The following CELF2 variants were observed in gnomAD, a reference collection of about 807,000 sequenced individuals.
CELF2 encodes CUG triplet repeat RNA-binding protein 2.
Under a neutral mutation model 62.6 loss-of-function variants are expected in CELF2, and 8 were observed. That is an observed-to-expected ratio of 0.13 (90% CI 0.07 to 0.23). The LOEUF is 0.23. Ranked by LOEUF, CELF2 falls within the 10% of genes least tolerant of loss-of-function variation. The pLI is 1.00. For missense variants in CELF2, 333 were observed against 671.0 expected, an observed-to-expected ratio of 0.50 and a Z score of 5.56; for synonymous variants, 258 against 250.0, an observed-to-expected ratio of 1.03 and a Z score of -0.30.
chr10:11,132,794 A>G (rs1330911212), intron 1 of CELF2, among the ~76,000 whole-genome samples: 1 of 152,232 alleles, frequency 6.6e-6, no homozygotes, highest in Non-Finnish European at 1.5e-5. Flanking sequence ...AGGGCCACCA[A>G]ATGGACCCTT....
chr10:10,835,681 C>A (rs913867577), intron 1 of CELF2, among the ~76,000 whole-genome samples: 1 of 152,138 alleles, frequency 6.6e-6, no homozygotes, highest in South Asian at 2.1e-4. Context: ...CCACGCCCAG[C>A]CCAGCAGATT....
At position 11,008,427 on chromosome 10, in the gene CELF2, A is replaced by T. The variant is rs2055713348; in HGVS notation, c.53+2987A>T. ...GAAACCAGACAGTTTTGCTTTTTTT[A>T]AAATAGGAGGGTATACATTTGCAAA... is the stretch of plus-strand genomic sequence containing the variant. On this transcript the variant is annotated intron_variant, in intron 1 of 12. Coordinates refer to the CELF2 transcript ENST00000416382. This position sits in a 1 kb window ranked among gnomAD's most constrained non-coding sequence, Gnocchi z 4.5. Among the ~76,000 whole-genome samples, 2 of 152,170 alleles carry T rather than the reference A, an allele frequency of 1.3e-5. No individual in the cohort carries two copies. The highest frequency in any genetic ancestry group is 1.3e-4 in the Admixed American group (2 of 15,282).
chr10:11,324,352 T>G lies in CELF2; in HGVS notation c.1295-1484T>G, dbSNP rs2095614306. Among the ~76,000 whole-genome samples, 1 of 152,214 alleles carries G rather than the reference T, an allele frequency of 6.6e-6. No homozygotes were observed. On this transcript the variant is annotated intron_variant, in intron 11 of 12. Transcript: ENST00000633077. The surrounding 1 kb of genome is among the most constrained non-coding windows in gnomAD (Gnocchi z 4.7). ...ACCATCAGACATACCACCCAGGATG[T>G]GCACACACAGCAGTGCTCAGAACAT...
chr10:10,660,190 A>G, the CELF2 span, among the ~76,000 whole-genome samples: 3 of 152,238 alleles, frequency 2.0e-5, no homozygotes, highest in Non-Finnish European at 4.4e-5. Flanking sequence ...TAAACTGTTC[A>G]CGGATGATCA....
chr10:10,909,856 AGGG>A (rs2063658349), intron 1 of CELF2, among the ~76,000 whole-genome samples: 1 of 127,856 alleles, frequency 7.8e-6, no homozygotes, highest in African/African-American at 4.2e-5. Flanking sequence ...CTCATGAAAG[AGGG>A]GGCTCATGTT....
At chr10:10,808,393 T>C (rs1232353180) in intron 1 of CELF2, among the ~76,000 whole-genome samples, 1 of 152,202 alleles carries the variant, frequency 6.6e-6, no homozygotes, top group African/African-American at 2.4e-5. Flanking sequence ...AATTCAATGA[T>C]TTTAACATCT....
At chr10:10,875,006 A>G (rs893599365) in intron 1 of CELF2, among the ~76,000 whole-genome samples, 2 of 152,198 alleles carry the variant, frequency 1.3e-5, no homozygotes, top group African/African-American at 4.8e-5. Context: ...CCAAATTATC[A>G]AGAATAGTTA....
In CELF2 at chr10:11,290,105, T is replaced by G. The variant is rs2092272331; in HGVS notation, c.976+1553T>G. 6.6e-6 allele frequency among the ~76,000 whole-genome samples: 1 copy of G among 152,172 alleles called. No individual in the cohort carries two copies. The highest frequency in any genetic ancestry group is 1.9e-4 in the East Asian group (1 of 5,196). On this transcript the variant is annotated intron_variant, in intron 9 of 12. Coordinates refer to ENST00000633077, the MANE Select transcript of CELF2 (RefSeq NM_001326342.2). The surrounding 1 kb of genome is among the most constrained non-coding windows in gnomAD (Gnocchi z 4.3). Reference sequence around the variant, plus strand: ...GCAGCTGTCGGCTGATTGGTGTAGCTAAGATAACTCAAAAATCATATCCCA... The same window carrying G: ...GCAGCTGTCGGCTGATTGGTGTAGCGAAGATAACTCAAAAATCATATCCCA...
the CELF2 span, among the ~76,000 whole-genome samples, chr10:10,668,469 G>A: frequency 6.6e-6 from 1 of 152,168 alleles, no homozygotes; most frequent in South Asian, 2.1e-4. Context: ...CAGTTCCATG[G>A]TACGAATTTC....
At position 11,018,072 on chromosome 10, in the gene CELF2, C is replaced by T. The variant is rs2057570734; in HGVS notation, c.-18C>T. 2 of 1,444,030 alleles carry T rather than the reference C, an allele frequency of 1.4e-6. No homozygotes were observed. Among genetic ancestry groups the T allele is most frequent in the Non-Finnish European group, 1.8e-6 (2 of 1,083,416 alleles). 89.5% of individuals were successfully genotyped at this position (1,444,030 alleles called of 1,614,324 possible). On this transcript the variant is annotated 5_prime_UTR_variant, in exon 1 of 13. Transcript: ENST00000633077. ...GCAGAGCCGCCCCCCGCCGCTGCCG[C>T]CGCGTGCGCCCGCGAACATGACTTC...
At chr10:11,183,398 G>A (rs1334224347) in intron 2 of CELF2, among the ~76,000 whole-genome samples, 1 of 152,148 alleles carries the variant, frequency 6.6e-6, no homozygotes, top group Non-Finnish European at 1.5e-5. Flanking sequence ...ACAAAAAGCT[G>A]CTGGGAACAT....
At chr10:11,014,031 T>C (rs558922017), upstream of CELF2, among the ~76,000 whole-genome samples, 37 of 152,382 alleles carry the variant, frequency 2.4e-4, no homozygotes, top group African/African-American at 8.7e-4. Context: ...CTGGCAATGA[T>C]GGGAAATCCC....
At chr10:11,001,435 A>G (rs2136998420), upstream of CELF2, among the ~76,000 whole-genome samples, 1 of 152,376 alleles carries the variant, frequency 6.6e-6, no homozygotes, top group South Asian at 2.1e-4. Flanking sequence ...GTAAATGCCA[A>G]AATGCAAAGA....
chr10:10,596,439 A>G, the CELF2 span, among the ~76,000 whole-genome samples: 12 of 152,322 alleles, frequency 7.9e-5, no homozygotes, highest in South Asian at 2.5e-3. Context: ...CTTTCAGAGA[A>G]CACTGCTTGC....
At chr10:10,791,580 T>C in the CELF2 span, among the ~76,000 whole-genome samples, 1 of 152,174 alleles carries the variant, frequency 6.6e-6, no homozygotes, top group Non-Finnish European at 1.5e-5. Flanking sequence ...TTTCTTTTCA[T>C]CAATAGTGTA....
At chr10:11,027,484 A>G (rs2138578517) in intron 1 of CELF2, among the ~76,000 whole-genome samples, 1 of 149,752 alleles carries the variant, frequency 6.7e-6, no homozygotes, top group South Asian at 2.2e-4. Context: ...CGTTTTTTTT[A>G]TCTTCACCTC....
At chr10:10,796,873 A>T (rs962297490), upstream of CELF2, 6 of 985,048 alleles carry the variant, frequency 6.1e-6, no homozygotes, top group Admixed American at 1.2e-4. Flanking sequence ...AGAAGCTTGA[A>T]GTCCCAGAAA....
chr10:11,204,299 A>G (rs1415994750), intron 2 of CELF2, among the ~76,000 whole-genome samples: 2 of 152,214 alleles, frequency 1.3e-5, no homozygotes, highest in African/African-American at 4.8e-5. Flanking sequence ...TCACCTAGCC[A>G]TTAAACCGCA....
intron 2 of CELF2, among the ~76,000 whole-genome samples, chr10:11,188,886 A>G (rs1433873307): frequency 2.0e-5 from 3 of 151,950 alleles, no homozygotes; most frequent in Admixed American, 2.0e-4. Context: ...TCTTTTCTTC[A>G]GTGTTTAATC....
Sources: gnomAD v4.1 joint callset for allele counts (sites outside exome capture counted in the v4.1 genomes callset) on GRCh38, gnomAD v4.1.1 for gene constraint, Gnocchi (gnomAD v3.1) non-coding constraint, MANE v1.5 for transcripts, NCBI Gene and HGNC (gene_info 2026-07-23, HGNC 2026-07-21) for gene names.